The following TCF12 variants were observed in gnomAD, a reference collection of about 807,000 sequenced individuals.
TCF12 encodes the protein transcription factor 12.
In TCF12, 45 loss-of-function variants were observed where a neutral mutation model predicts 86.0. The observed-to-expected ratio is 0.52, with a 90% confidence interval of 0.41 to 0.67. The LOEUF (loss-of-function observed/expected upper bound fraction) is 0.67. Ranked by LOEUF, TCF12 falls within the 30% of genes least tolerant of loss-of-function variation. The pLI is 0.00. For missense variants in TCF12, 881 were observed against 859.9 expected, an observed-to-expected ratio of 1.02 and a Z score of -0.31; for synonymous variants, 330 against 299.6, an observed-to-expected ratio of 1.10 and a Z score of -1.05.
intron 6 of TCF12, among the ~76,000 whole-genome samples, chr15:57,184,815 T>A (rs1162928089): frequency 5.3e-5 from 8 of 152,152 alleles, no homozygotes; most frequent in Non-Finnish European, 1.2e-4. Context: ...TATGGGAGAT[T>A]TAATGATTCC....
chr15:56,926,814 A>C (rs1478358581), intron 3 of TCF12, among the ~76,000 whole-genome samples: 1 of 152,216 alleles, frequency 6.6e-6, no homozygotes, highest in African/African-American at 2.4e-5. Context: ...AACAGGACTA[A>C]TAATAGTCGT....
intron 5 of TCF12, chr15:57,109,390 A>G (rs1279595299): frequency 6.6e-6 from 1 of 152,244 alleles, no homozygotes; most frequent in African/African-American, 2.4e-5. Context: ...CTTATTTCCC[A>G]TAAGGCAGTT....
At chr15:56,936,543 A>G (rs2060477957) in intron 3 of TCF12, among the ~76,000 whole-genome samples, 1 of 152,136 alleles carries the variant, frequency 6.6e-6, no homozygotes, top group Admixed American at 6.5e-5. Context: ...TTGGTCATGA[A>G]GTCTTTGCCT....
chr15:57,230,872 T>G (rs1331442485), intron 8 of TCF12, among the ~76,000 whole-genome samples: 1 of 152,016 alleles, frequency 6.6e-6, no homozygotes, highest in East Asian at 1.9e-4. Flanking sequence ...AGCTCAATGC[T>G]TATTCAGTCA....
At chr15:57,252,609 G>GT in intron 15 of TCF12, 117 bp downstream of exon 15, 1 of 843,366 alleles carries the variant, frequency 1.2e-6, no homozygotes, top group East Asian at 2.7e-5. Context: ...ACAGTTGACT[G>GT]TTTCAGTTTT....
intron 6 of TCF12, among the ~76,000 whole-genome samples, chr15:57,185,962 T>A (rs1323230119): frequency 3.9e-5 from 6 of 152,104 alleles, no homozygotes; most frequent in African/African-American, 1.4e-4. Context: ...AAAAGAACAG[T>A]GTCAAATTAC....
intron 3 of TCF12, among the ~76,000 whole-genome samples, chr15:57,053,214 A>G (rs2067761024): frequency 6.6e-6 from 1 of 152,202 alleles, no homozygotes; most frequent in African/African-American, 2.4e-5. Flanking sequence ...TTTTCCTGAT[A>G]TGTATGATGC....
chr15:57,090,316 G>T (rs1446428705), intron 4 of TCF12, among the ~76,000 whole-genome samples: 1 of 152,182 alleles, frequency 6.6e-6, no homozygotes, highest in East Asian at 1.9e-4. Context: ...ACTAAATGTG[G>T]CTGTATCAGA....
intron 6 of TCF12, among the ~76,000 whole-genome samples, chr15:57,179,904 G>T (rs1251466165): frequency 6.6e-6 from 1 of 152,090 alleles, no homozygotes; most frequent in Non-Finnish European, 1.5e-5. Context: ...CAAAACACTA[G>T]AGAGGATCAT....
In TCF12 at chr15:57,087,126, C is replaced by T. The variant is rs1189175790; in HGVS notation, c.223-4663C>T. Among the ~76,000 whole-genome samples the T allele has an allele frequency of 1.3e-5, 2 of 151,430 alleles. 1 individual carries two copies. The highest frequency in any genetic ancestry group is 4.2e-4 in the South Asian group (2 of 4,778). ...CTCTCCCTCTCCCTCTCCCTACCCC[C>T]CTGCTCACCTTGGATACAACAAAAT... On this transcript the variant is annotated intron_variant, in intron 4 of 20. Coordinates refer to ENST00000333725, the MANE Select transcript of TCF12 (RefSeq NM_207037.2).
chr15:56,977,843 T>C (rs1422584982), intron 3 of TCF12, among the ~76,000 whole-genome samples: 1 of 152,160 alleles, frequency 6.6e-6, no homozygotes, highest in Non-Finnish European at 1.5e-5. Context: ...CAGAATCACC[T>C]GGAGGATTTT....
chr15:57,141,821 G>A (rs1256162434), intron 5 of TCF12, among the ~76,000 whole-genome samples: 3 of 152,122 alleles, frequency 2.0e-5, no homozygotes, highest in South Asian at 2.1e-4. Context: ...TTGCAGTGGC[G>A]GGACACAGGG....
At chr15:57,179,955 A>T (rs2056221682) in intron 6 of TCF12, among the ~76,000 whole-genome samples, 1 of 152,238 alleles carries the variant, frequency 6.6e-6, no homozygotes, top group African/African-American at 2.4e-5. Flanking sequence ...TTGATTACTC[A>T]TTCAAGATCC....
chr15:56,922,910 C>G (rs1375285788), intron 3 of TCF12, among the ~76,000 whole-genome samples: 2 of 151,628 alleles, frequency 1.3e-5, no homozygotes, highest in African/African-American at 4.8e-5. Context: ...CATTATTTTA[C>G]TTATATATTT....
chr15:57,227,808 T>C (rs1397683721), intron 8 of TCF12, among the ~76,000 whole-genome samples: 1 of 152,078 alleles, frequency 6.6e-6, no homozygotes, highest in African/African-American at 2.4e-5. Flanking sequence ...AGGATAGAAT[T>C]CTAAAGAAAA....
chr15:56,969,759 A>G (rs944137877), intron 3 of TCF12, among the ~76,000 whole-genome samples: 2 of 152,164 alleles, frequency 1.3e-5, no homozygotes, highest in East Asian at 3.9e-4. Context: ...TAGAGATGTG[A>G]GTGGGAGTTA....
At chr15:57,181,105 C>T (rs980724663) in intron 6 of TCF12, among the ~76,000 whole-genome samples, 7 of 151,938 alleles carry the variant, frequency 4.6e-5, no homozygotes, top group Admixed American at 3.3e-4. Flanking sequence ...TGAGCCACCA[C>T]GCCTGGCCGA....
Position 57,283,946 on chromosome 15 carries a change from G to T in TCF12, c.*11+1348G>T, listed in dbSNP as rs561247615. 4.9e-4 allele frequency among the ~76,000 whole-genome samples: 75 copies of T among 152,220 alleles called. No homozygotes were observed. The Middle Eastern group carries it at 0.01, about 21-fold the overall frequency. On this transcript the variant is annotated intron_variant, in intron 20 of 20. Coordinates refer to ENST00000333725, the MANE Select transcript of TCF12 (RefSeq NM_207037.2). ...AAAGAAGAGTTAAGGCAGTTATTTC[G>T]TAAGTCAGTTATAACTGTAACATTA...
At chr15:57,271,881 A>C (rs1165646080) in intron 18 of TCF12, among the ~76,000 whole-genome samples, 1 of 152,202 alleles carries the variant, frequency 6.6e-6, no homozygotes, top group African/African-American at 2.4e-5. Context: ...TCATTTTGAC[A>C]AGTGTAAAAG....
Sources: allele counts gnomAD v4.1 joint callset (sites outside exome capture counted in the v4.1 genomes callset), GRCh38; gene constraint gnomAD v4.1.1; transcripts MANE v1.5; gene names NCBI Gene and HGNC (gene_info 2026-07-23, HGNC 2026-07-21).